Variants in PIK3CB observed in about 807,000 individuals in gnomAD.
PIK3CB encodes the protein phosphatidylinositol-4,5-bisphosphate 3-kinase catalytic subunit beta.
A neutral mutation model predicts 136.8 loss-of-function variants in PIK3CB; 39 were observed. The ratio of observed to expected loss-of-function variants is 0.29; its 90% CI spans 0.22 to 0.37. PIK3CB has a LOEUF of 0.37. Ranked by LOEUF, PIK3CB falls within the 10% of genes least tolerant of loss-of-function variation. The pLI is 1.00. For missense variants in PIK3CB, 868 were observed against 1,275.4 expected (o/e 0.68, Z 4.87); for synonymous variants, 428 against 436.6 (o/e 0.98, Z 0.25).
At chr3:138,771,283 C>T (rs1275992444) in intron 2 of PIK3CB, among the ~76,000 whole-genome samples, 6 of 142,936 alleles carry the variant, frequency 4.2e-5, no homozygotes, top group African/African-American at 1.3e-4. Flanking sequence ...AGTGCAGTGG[C>T]GCGATCTTGG....
At chr3:138,751,219 G>A (rs2045465205) in intron 4 of PIK3CB, among the ~76,000 whole-genome samples, 1 of 152,054 alleles carries the variant, frequency 6.6e-6, no homozygotes, top group African/African-American at 2.4e-5. Context: ...AGCACTTTGG[G>A]AGGCCGAGGC....
In PIK3CB at chr3:138,714,539, C is replaced by T. The variant is rs2044569583; in HGVS notation, c.1231G>A (p.Val411Ile). Reference sequence around the variant, plus strand: ...GTTTTCGTTGATTTCTTCGTTTTTACTTTATCCAAAACTGCATAAACAGCA... The same window carrying T: ...GTTTTCGTTGATTTCTTCGTTTTTATTTTATCCAAAACTGCATAAACAGCA... Reference protein sequence around the residue: ...CFAVYAVLDKVKTKKSTKTIN... With the variant: ...CFAVYAVLDKIKTKKSTKTIN... The change falls in exon 9 of 24, where the codon GTA (valine) becomes ATA (isoleucine). Residue 411 changes from valine (V) to isoleucine (I), a missense_variant. Physicochemically the swap from Val to Ile is conservative, Grantham distance 29 (BLOSUM62 3). This residue lies in a region of PIK3CB where 612 missense variants were observed against 801.1 expected (regional missense o/e 0.76). Transcript: ENST00000674063. 6.2e-7 allele frequency: 1 copy of T among 1,611,978 alleles called. No homozygotes were observed. The highest frequency in any genetic ancestry group is 8.5e-7 in the Non-Finnish European group (1 of 1,178,196).
At chr3:138,708,862 CA>C (rs1054620413) in intron 10 of PIK3CB, among the ~76,000 whole-genome samples, 7 of 152,106 alleles carry the variant, frequency 4.6e-5, no homozygotes, top group African/African-American at 1.7e-4. Context: ...TAACTGAAAT[CA>C]AATTTAGTAT....
intron 1 of PIK3CB, among the ~76,000 whole-genome samples, chr3:138,816,562 T>C (rs1933338471): frequency 6.6e-6 from 1 of 151,664 alleles, no homozygotes; most frequent in African/African-American, 2.4e-5. Context: ...GCCATTGTAC[T>C]CTAGCCTGGG....
intron 21 of PIK3CB, among the ~76,000 whole-genome samples, chr3:138,661,033 T>C (rs2043286427): frequency 6.6e-6 from 1 of 152,190 alleles, no homozygotes; most frequent in Admixed American, 6.5e-5. Flanking sequence ...AATCACCTAG[T>C]CTTTTGATGA....
chr3:138,672,182 G>A (rs913582422), intron 19 of PIK3CB, among the ~76,000 whole-genome samples: 2 of 152,136 alleles, frequency 1.3e-5, no homozygotes, highest in African/African-American at 2.4e-5. Flanking sequence ...ACTGAGGTCT[G>A]GGAGGACTGG....
At chr3:138,679,036 A>G (rs1223231485) in intron 19 of PIK3CB, among the ~76,000 whole-genome samples, 1 of 152,174 alleles carries the variant, frequency 6.6e-6, no homozygotes, top group African/African-American at 2.4e-5. Flanking sequence ...ACTACACTCC[A>G]GCCTGGGTGA....
chr3:138,742,220 A>G (rs1227343779), intron 5 of PIK3CB, among the ~76,000 whole-genome samples: 1 of 152,190 alleles, frequency 6.6e-6, no homozygotes, highest in Admixed American at 6.5e-5. Flanking sequence ...TCTGTTGCAT[A>G]TTCTTTTTAC....
intron 1 of PIK3CB, chr3:138,826,296 C>T: frequency 6.3e-7 from 1 of 1,597,256 alleles, no homozygotes; most frequent in Non-Finnish European, 8.5e-7. Context: ...GCAAGGTCAC[C>T]AAGTCTGCCC....
At chr3:138,802,111 C>A (rs1221590982) in intron 1 of PIK3CB, among the ~76,000 whole-genome samples, 2 of 151,310 alleles carry the variant, frequency 1.3e-5, no homozygotes, top group Non-Finnish European at 2.9e-5. Context: ...CAGTGGCTCA[C>A]ACCTATAATC....
At chr3:138,724,933 G>A (rs2044805444) in intron 8 of PIK3CB, among the ~76,000 whole-genome samples, 1 of 152,074 alleles carries the variant, frequency 6.6e-6, no homozygotes, top group African/African-American at 2.4e-5. Context: ...ACGTTAAAAT[G>A]TATTCATTCA....
chr3:138,752,709 A>G (rs781496738), intron 4 of PIK3CB, among the ~76,000 whole-genome samples: 12 of 151,964 alleles, frequency 7.9e-5, no homozygotes, highest in Non-Finnish European at 1.6e-4. Context: ...ACCTCGTCTC[A>G]ACAGAAAAAA....
chr3:138,826,140 G>A, intron 1 of PIK3CB: 1 of 1,006,386 alleles, frequency 9.9e-7, no homozygotes. Context: ...TGGTGGTGCT[G>A]CCATAGTTGA....
At chr3:138,811,480 C>T (rs1333566605) in intron 1 of PIK3CB, among the ~76,000 whole-genome samples, 3 of 148,856 alleles carry the variant, frequency 2.0e-5, no homozygotes, top group Non-Finnish European at 3.0e-5. Context: ...GGCTGGAGTG[C>T]AATGGCGCAA....
At chr3:138,764,269 T>A (rs1044398256) in intron 2 of PIK3CB, among the ~76,000 whole-genome samples, 6 of 144,228 alleles carry the variant, frequency 4.2e-5, no homozygotes, top group Non-Finnish European at 9.1e-5. Flanking sequence ...GGCTACATAG[T>A]GAGACCTCAT....
At chr3:138,770,243 C>T (rs546948475) in intron 2 of PIK3CB, 2 of 152,098 alleles carry the variant, frequency 1.3e-5, no homozygotes, top group Non-Finnish European at 2.9e-5. Context: ...CATATCCTGT[C>T]GATTGTTCAC....
intron 1 of PIK3CB, among the ~76,000 whole-genome samples, chr3:138,798,346 G>T (rs867957926): frequency 7.9e-5 from 12 of 152,088 alleles, no homozygotes; most frequent in Non-Finnish European, 1.6e-4. Context: ...TGTATTTTTA[G>T]TAGAGATGGG....
At chr3:138,690,463 T>A (rs1265162282) in intron 15 of PIK3CB, among the ~76,000 whole-genome samples, 1 of 152,116 alleles carries the variant, frequency 6.6e-6, no homozygotes, top group South Asian at 2.1e-4. Context: ...TTTACTCTTA[T>A]ATGAACTTGG....
At chr3:138,727,016 C>T (rs1350723173) in intron 8 of PIK3CB, among the ~76,000 whole-genome samples, 2 of 151,988 alleles carry the variant, frequency 1.3e-5, no homozygotes, top group Non-Finnish European at 2.9e-5. Context: ...ATCCACTCCA[C>T]TCCAACCTGG....
Sources: gnomAD v4.1 joint callset for allele counts (sites outside exome capture counted in the v4.1 genomes callset) on GRCh38, gnomAD v4.1.1 for gene constraint, gnomAD v4.1.1 regional missense constraint, MANE v1.5 for transcripts, NCBI Gene and HGNC (gene_info 2026-07-23, HGNC 2026-07-21) for gene names.